Variants in CNGB1 observed in about 807,000 individuals in gnomAD.
CNGB1 encodes cyclic nucleotide-gated channel beta-1.
A neutral mutation model predicts 151.7 loss-of-function variants in CNGB1; 126 were observed. The ratio of observed to expected loss-of-function variants is 0.83; its 90% CI spans 0.72 to 0.96. The LOEUF is 0.96. Ranked by LOEUF, CNGB1 falls within the 40% of genes least tolerant of loss-of-function variation. CNGB1 has a pLI of 0.00. For synonymous variants in CNGB1, 623 were observed against 635.1 expected (o/e 0.98, Z 0.29); for missense variants, 1,698 against 1,627.0 (o/e 1.04, Z -0.75).
intron 12 of CNGB1, among the ~76,000 whole-genome samples, chr16:57,951,744 C>T (rs1961953167): frequency 6.6e-6 from 1 of 152,230 alleles, no homozygotes; most frequent in East Asian, 1.9e-4. Flanking sequence ...TTTTATTTTC[C>T]CTCTTTTATG....
At chr16:57,890,588 C>G (rs1335121533) in intron 31 of CNGB1, among the ~76,000 whole-genome samples, 1 of 152,192 alleles carries the variant, frequency 6.6e-6, no homozygotes, top group Non-Finnish European at 1.5e-5. Flanking sequence ...GTATGCTTCC[C>G]TGTAACTGAG....
At chr16:57,926,133 C>T (rs564232560) in intron 17 of CNGB1, among the ~76,000 whole-genome samples, 221 of 152,330 alleles carry the variant, frequency 1.5e-3, no homozygotes, top group African/African-American at 3.5e-3. Flanking sequence ...AAAACTCCAG[C>T]CAGTCCCCAA....
In CNGB1 at chr16:57,920,500, A is replaced by G. The variant is rs751528776; in HGVS notation, c.1688T>C (p.Ile563Thr). The change falls in exon 19 of 33, where the codon ATC (isoleucine) becomes ACC (threonine). Residue 563 changes from isoleucine (I) to threonine (T), a missense_variant. Physicochemically the swap from Ile to Thr is moderately conservative, Grantham distance 89. Transcript: ENST00000251102. Reference sequence around the variant, plus strand: ...CAGCTCCTGGAGCCGGTCGTTGATGATGGCGCTATTTGTGCTGGCCGTGGA... The same window carrying G: ...CAGCTCCTGGAGCCGGTCGTTGATGGTGGCGCTATTTGTGCTGGCCGTGGA... ...AASTASTNSAIINDRLQELVK... is the reference protein window; with the variant it reads ...AASTASTNSATINDRLQELVK... 2 of 1,614,028 alleles carry G rather than the reference A, an allele frequency of 1.2e-6. No homozygotes were observed. The highest frequency in any genetic ancestry group is 2.2e-5 in the East Asian group (1 of 44,872).
chr16:57,951,615 G>GT (rs1206189800), intron 12 of CNGB1, among the ~76,000 whole-genome samples: 1 of 152,206 alleles, frequency 6.6e-6, no homozygotes, highest in Non-Finnish European at 1.5e-5. Flanking sequence ...AACAATAATA[G>GT]TAACAGCAGC....
chr16:57,960,135 C>CG, intron 9 of CNGB1, 70 bp from the exon 10 acceptor site: 1 of 1,528,886 alleles, frequency 6.5e-7, no homozygotes, highest in African/African-American at 1.4e-5. Flanking sequence ...CTCAAGGGCA[C>CG]GGGGCCAGAT....
chr16:57,964,325 G>A, intron 3 of CNGB1, 123 bp from the exon 4 acceptor site: 2 of 1,358,110 alleles, frequency 1.5e-6, no homozygotes, highest in Admixed American at 3.7e-5. Context: ...CCAGGCTCCA[G>A]CTCAGCTCAA....
intron 16 of CNGB1, among the ~76,000 whole-genome samples, chr16:57,932,559 C>G (rs1237750802): frequency 6.6e-6 from 1 of 151,592 alleles, no homozygotes; most frequent in Non-Finnish European, 1.5e-5. Context: ...CCCGCCACCA[C>G]GCCCGGCTAG....
chr16:57,903,776 A>T (rs752213923), intron 27 of CNGB1, 46 bp downstream of exon 27: 3 of 1,611,472 alleles, frequency 1.9e-6, no homozygotes, highest in Non-Finnish European at 2.5e-6. Flanking sequence ...ACCAGGCGAC[A>T]GGAGTTGACT....
At chr16:57,965,907 G>C (rs554150685) in intron 2 of CNGB1, among the ~76,000 whole-genome samples, 1 of 152,124 alleles carries the variant, frequency 6.6e-6, no homozygotes, top group Non-Finnish European at 1.5e-5. Context: ...TGCACACACA[G>C]ACATACCAAG....
At chr16:57,915,689 A>T (rs1174588415) in intron 22 of CNGB1, among the ~76,000 whole-genome samples, 3 of 152,144 alleles carry the variant, frequency 2.0e-5, no homozygotes, top group African/African-American at 7.2e-5. Context: ...ACTTGATGTC[A>T]GGAGTTCGAG....
rs752667944 is a variant in CNGB1 at position 57,884,447 on chromosome 16, G to C, written c.3473C>G (p.Ser1158Trp). The C allele has an allele frequency of 1.2e-5, 20 of 1,613,382 alleles. No individual in the cohort carries two copies. Residue 1158 changes from serine (S) to tryptophan (W), a missense_variant, in exon 33 of 33, where the codon TCG (serine) becomes TGG (tryptophan). Coordinates refer to ENST00000251102, the MANE Select transcript of CNGB1 (RefSeq NM_001297.5). ...GCCTTCCTCTCCCTTGACGTCTTGCGAGCTCTTGGCCTGGAATCCAGAAAG... is the reference window on the plus strand; with the variant it reads ...GCCTTCCTCTCCCTTGACGTCTTGCCAGCTCTTGGCCTGGAATCCAGAAAG... ...QQELVEQAKS[S>W]QDVKGEEGSA...
chr16:57,919,815 A>G lies in CNGB1; in HGVS notation c.1802-561T>C, dbSNP rs150277813. On this transcript the variant is annotated intron_variant, in intron 19 of 32. Coordinates refer to ENST00000251102, the MANE Select transcript of CNGB1 (RefSeq NM_001297.5). The stretch of plus-strand genomic sequence containing the variant: ...TGGCTCTTATAGGTTCAATATGGCT[A>G]TGTTTTCCAGCTTCAAGACTGGGAC... Among the ~76,000 whole-genome samples the G allele has an allele frequency of 4.5e-3, 688 of 152,244 alleles. 6 individuals are homozygous for G. The highest frequency in any genetic ancestry group is 0.015 in the African/African-American group (614 of 41,550).
intron 14 of CNGB1, among the ~76,000 whole-genome samples, chr16:57,943,959 C>G (rs1961737019): frequency 6.6e-6 from 1 of 152,000 alleles, no homozygotes; most frequent in African/African-American, 2.4e-5. Flanking sequence ...GCGATCTCAG[C>G]TCACTGCAAC....
rs116734881 is a variant in CNGB1 at position 57,966,509 on chromosome 16, G to T, written c.159+619C>A. Among the ~76,000 whole-genome samples, 243 of 152,276 alleles carry T rather than the reference G, an allele frequency of 1.6e-3. 1 individual carries two copies. The highest frequency in any genetic ancestry group is 5.6e-3 in the African/African-American group (234 of 41,556). On this transcript the variant is annotated intron_variant, in intron 2 of 32. Coordinates refer to ENST00000251102, the MANE Select transcript of CNGB1 (RefSeq NM_001297.5). ...CTGTGCCAGTCTGCAAACTGTTACT[G>T]GTCCATGATGATTAAGCAGTTTGCA...
At chr16:57,970,100 G>A (rs1159839482) in intron 1 of CNGB1, among the ~76,000 whole-genome samples, 1 of 152,200 alleles carries the variant, frequency 6.6e-6, no homozygotes, top group Non-Finnish European at 1.5e-5. Context: ...TCCCACGAGA[G>A]GCTGTGGTGG....
At position 57,957,394 on chromosome 16, in the gene CNGB1, A is replaced by G; in HGVS notation, c.838-17T>C. 1 of 1,613,784 alleles carries G rather than the reference A, an allele frequency of 6.2e-7. No homozygotes were observed. The highest frequency in any genetic ancestry group is 1.1e-5 in the South Asian group (1 of 91,080). On this transcript the variant is annotated splice_polypyrimidine_tract_variant and intron_variant, in intron 11 of 32. Transcript: ENST00000251102. ...GTCAGGCTCCTGCATGGAGAGAGAA[A>G]AAAGGGAAAATCCTGCCACGGCCTC...
chr16:57,904,966 T>C, intron 25 of CNGB1, 91 bp from the exon 26 acceptor site: 5 of 1,519,470 alleles, frequency 3.3e-6, no homozygotes, highest in Admixed American at 3.4e-5. Context: ...GATAGATGCA[T>C]GTTGTGCAAA....
At chr16:57,963,317 C>T (rs1425916295) in intron 4 of CNGB1, among the ~76,000 whole-genome samples, 1 of 152,220 alleles carries the variant, frequency 6.6e-6, no homozygotes, top group Non-Finnish European at 1.5e-5. Flanking sequence ...CCAAAAAGCT[C>T]CACGTCCTTC....
intron 25 of CNGB1, among the ~76,000 whole-genome samples, chr16:57,910,238 T>C (rs1960671891): frequency 6.6e-6 from 1 of 152,154 alleles, no homozygotes; most frequent in Non-Finnish European, 1.5e-5. Flanking sequence ...CACAGTCTCT[T>C]TTCTCTAAAG....
Sources: gnomAD v4.1 joint callset for allele counts (sites outside exome capture counted in the v4.1 genomes callset) on GRCh38, gnomAD v4.1.1 for gene constraint, MANE v1.5 for transcripts, NCBI Gene and HGNC (gene_info 2026-07-23, HGNC 2026-07-21) for gene names.